Variants in PIK3C2G observed in about 807,000 individuals in gnomAD.
PIK3C2G encodes phosphatidylinositol-4-phosphate 3-kinase catalytic subunit type 2 gamma.
Under a neutral mutation model 181.1 loss-of-function variants are expected in PIK3C2G, and 168 were observed. The observed-to-expected ratio is 0.93, with a 90% CI of 0.82 to 1.05. PIK3C2G has a LOEUF of 1.05. Ranked by LOEUF, PIK3C2G falls within the 50% of genes least tolerant of loss-of-function variation. PIK3C2G has a pLI of 0.00. For synonymous variants in PIK3C2G, 573 were observed against 592.2 expected, an observed-to-expected ratio of 0.97 and a Z score of 0.47; for missense variants, 1,869 against 1,732.8, an observed-to-expected ratio of 1.08 and a Z score of -1.40.
At chr12:18,297,297 C>A (rs896514235) in intron 5 of PIK3C2G, among the ~76,000 whole-genome samples, 1 of 151,866 alleles carries the variant, frequency 6.6e-6, no homozygotes, top group South Asian at 2.1e-4. Flanking sequence ...TACTCTCTAG[C>A]CAAATATTTA....
chr12:18,325,853 G>T (rs1043846292), intron 8 of PIK3C2G, among the ~76,000 whole-genome samples: 1 of 152,028 alleles, frequency 6.6e-6, no homozygotes, highest in Non-Finnish European at 1.5e-5. Flanking sequence ...GCAGACAGGG[G>T]CCAAATTATG....
intron 25 of PIK3C2G, 82 bp from the exon 26 acceptor site, chr12:18,546,241 G>C (rs745895572): frequency 2.4e-6 from 2 of 835,566 alleles, no homozygotes; most frequent in East Asian, 2.7e-5. Context: ...GATGTCTCTG[G>C]GTAGAATTAA....
the PIK3C2G span, chr12:18,688,107 G>T: frequency 6.2e-7 from 1 of 1,610,912 alleles, no homozygotes; most frequent in Non-Finnish European, 8.5e-7. Flanking sequence ...TTAATTACAC[G>T]AGTCTGCTGC....
chr12:18,663,040 C>G, the PIK3C2G span, among the ~76,000 whole-genome samples: 1 of 152,022 alleles, frequency 6.6e-6, no homozygotes, highest in African/African-American at 2.4e-5. Flanking sequence ...GGATTAAACT[C>G]TCTCCAGTCA....
intron 19 of PIK3C2G, 138 bp from the exon 20 acceptor site, chr12:18,491,313 C>G: frequency 1.7e-6 from 1 of 585,210 alleles, no homozygotes; most frequent in Non-Finnish European, 3.0e-6. Flanking sequence ...AATACATCAC[C>G]TGCCTGACCC....
At chr12:18,284,976 A>C (rs576835170) in intron 2 of PIK3C2G, among the ~76,000 whole-genome samples, 199 of 152,276 alleles carry the variant, frequency 1.3e-3, no homozygotes, top group Admixed American at 4.3e-3. Flanking sequence ...ATGGTCAGGA[A>C]ATTATTCAAA....
the PIK3C2G span, among the ~76,000 whole-genome samples, chr12:18,694,468 TG>T: frequency 6.6e-6 from 1 of 152,038 alleles, no homozygotes; most frequent in Admixed American, 6.6e-5. Flanking sequence ...CACAGACATA[TG>T]GGGGGAAGAA....
intron 18 of PIK3C2G, among the ~76,000 whole-genome samples, chr12:18,461,042 G>A (rs1305429069): frequency 3.9e-5 from 6 of 152,084 alleles, no homozygotes; most frequent in African/African-American, 1.4e-4. Context: ...GTGTACCTCA[G>A]TGGTAAATAT....
the PIK3C2G span, among the ~76,000 whole-genome samples, chr12:18,676,375 C>G: frequency 6.6e-6 from 1 of 152,036 alleles, no homozygotes; most frequent in African/African-American, 2.4e-5. Flanking sequence ...GTCCCATAGT[C>G]AGCTTTTTTG....
intron 10 of PIK3C2G, among the ~76,000 whole-genome samples, chr12:18,346,237 G>C (rs188583317): frequency 6.2e-4 from 94 of 152,210 alleles, no homozygotes; most frequent in Non-Finnish European, 1.1e-3. Flanking sequence ...AATTTATTAT[G>C]ATTAATTCTT....
intron 1 of PIK3C2G, among the ~76,000 whole-genome samples, chr12:18,270,913 A>G (rs915647584): frequency 6.6e-6 from 1 of 152,182 alleles, no homozygotes; most frequent in Non-Finnish European, 1.5e-5. Flanking sequence ...CAGTATCTCA[A>G]TTTGTAAAAT....
intron 13 of PIK3C2G, among the ~76,000 whole-genome samples, chr12:18,373,412 C>T (rs987452567): frequency 7.9e-5 from 12 of 152,144 alleles, no homozygotes; most frequent in African/African-American, 2.7e-4. Context: ...GGTTTCCTAT[C>T]GCTTTGTGGT....
chr12:18,693,834 T>A, the PIK3C2G span: 10 of 1,529,562 alleles, frequency 6.5e-6, no homozygotes, highest in Non-Finnish European at 9.0e-6. Context: ...AAGATTGAGT[T>A]CCCCCTGCCT....
At chr12:18,617,606 A>G (rs1948661661) in intron 31 of PIK3C2G, among the ~76,000 whole-genome samples, 1 of 152,176 alleles carries the variant, frequency 6.6e-6, no homozygotes, top group Non-Finnish European at 1.5e-5. Flanking sequence ...GTATTATAGC[A>G]TTAGCAGTCT....
At position 18,330,296 on chromosome 12, in the gene PIK3C2G, C is replaced by T. The variant is rs558404855; in HGVS notation, c.1272+5198C>T. ...ATATTTGCATTACAAGAGAAAATGC[C>T]CAACTGCGTCTTTACAGTAAATCTC... is the stretch of plus-strand genomic sequence containing the variant. On this transcript the variant is annotated intron_variant, in intron 8 of 32. Coordinates refer to ENST00000538779, the MANE Select transcript of PIK3C2G (RefSeq NM_001288772.2). 2.6e-5 allele frequency among the ~76,000 whole-genome samples: 4 copies of T among 152,170 alleles called. No homozygotes were observed. The South Asian group carries it at 8.3e-4, about 31-fold the overall frequency.
At chr12:18,337,713 A>G (rs563736886) in intron 8 of PIK3C2G, among the ~76,000 whole-genome samples, 45 of 152,272 alleles carry the variant, frequency 3.0e-4, no homozygotes, top group African/African-American at 1.0e-3. Flanking sequence ...AAGCCATTCA[A>G]GAGGGATCCG....
At chr12:18,576,905 A>T (rs1050570060) in intron 29 of PIK3C2G, among the ~76,000 whole-genome samples, 3 of 152,170 alleles carry the variant, frequency 2.0e-5, no homozygotes, top group African/African-American at 7.2e-5. Flanking sequence ...TGCTAAGGGA[A>T]TGGTGGATGG....
At chr12:18,328,162 A>C (rs961818902) in intron 8 of PIK3C2G, among the ~76,000 whole-genome samples, 2 of 152,060 alleles carry the variant, frequency 1.3e-5, no homozygotes, top group East Asian at 3.9e-4. Context: ...TCATGCTTCA[A>C]AATGTGGTTT....
At chr12:18,587,828 A>G (rs1946871601) in intron 29 of PIK3C2G, among the ~76,000 whole-genome samples, 1 of 152,124 alleles carries the variant, frequency 6.6e-6, no homozygotes, top group Non-Finnish European at 1.5e-5. Context: ...AACTGGAGGC[A>G]TCATGTTACC....
Sources: allele counts gnomAD v4.1 joint callset (sites outside exome capture counted in the v4.1 genomes callset), GRCh38; gene constraint gnomAD v4.1.1; transcripts MANE v1.5; gene names NCBI Gene and HGNC (gene_info 2026-07-23, HGNC 2026-07-21).